Variants in MTHFD2L observed in about 807,000 individuals in gnomAD.
MTHFD2L encodes methylenetetrahydrofolate dehydrogenase (NADP+ dependent) 2 like, also known as bifunctional methylenetetrahydrofolate dehydrogenase/cyclohydrolase 2, mitochondrial.
Under a neutral mutation model 34.9 loss-of-function variants are expected in MTHFD2L, and 29 were observed. The ratio of observed to expected loss-of-function variants is 0.83; its 90% CI spans 0.62 to 1.13. The LOEUF (loss-of-function observed/expected upper bound fraction) is 1.13, where lower values mean the gene tolerates loss of function less well. MTHFD2L is among the 50% of genes most tolerant of loss of function. The probability of loss-of-function intolerance (pLI) is 0.00; values close to 1 mark genes in which losing one functional copy is unlikely to be tolerated. For missense variants in MTHFD2L, 481 were observed against 446.5 expected (o/e 1.08, Z -0.70); for synonymous variants, 167 against 155.7 (o/e 1.07, Z -0.54).
At chr4:74,261,128 T>G (rs1002716286) in intron 6 of MTHFD2L, among the ~76,000 whole-genome samples, 2 of 152,074 alleles carry the variant, frequency 1.3e-5, no homozygotes, top group Non-Finnish European at 2.9e-5. Context: ...ATTGTTGGTG[T>G]TCCTGGCTAA....
chr4:74,246,210 G>A (rs200264585), intron 6 of MTHFD2L, among the ~76,000 whole-genome samples: 36,990 of 148,228 alleles, frequency 0.25, 4,758 homozygotes, highest in African/African-American at 0.34. Flanking sequence ...GTTTTGATTT[G>A]CATTTCTCTG....
chr4:74,240,749 A>G (rs1263872783), intron 6 of MTHFD2L, among the ~76,000 whole-genome samples: 1 of 152,200 alleles, frequency 6.6e-6, no homozygotes, highest in Non-Finnish European at 1.5e-5. Flanking sequence ...AAGCAAAATA[A>G]AGAATATTTA....
intron 1 of MTHFD2L, chr4:74,160,757 G>C (rs1725261076): frequency 6.6e-6 from 1 of 152,246 alleles, no homozygotes. Flanking sequence ...AATGTCCTGG[G>C]TTAAAAGGCA....
At chr4:74,209,800 C>T (rs778967535) in intron 5 of MTHFD2L, among the ~76,000 whole-genome samples, 4 of 152,158 alleles carry the variant, frequency 2.6e-5, no homozygotes, top group South Asian at 4.1e-4. Flanking sequence ...AACTAATTTA[C>T]ACTCCCACCA....
chr4:74,117,169 A>G (rs900436386), intron 2 of MTHFD2L, among the ~76,000 whole-genome samples: 2 of 152,236 alleles, frequency 1.3e-5, no homozygotes, highest in African/African-American at 2.4e-5. Flanking sequence ...AGCCATGACA[A>G]CAAATGACAT....
chr4:74,259,723 T>C (rs1744449876), intron 6 of MTHFD2L, among the ~76,000 whole-genome samples: 2 of 152,098 alleles, frequency 1.3e-5, no homozygotes, highest in African/African-American at 4.8e-5. Context: ...AAACCATAGA[T>C]CAGCTATATG....
In MTHFD2L at chr4:74,158,391, C is replaced by CGGCGGGCTGGGTCGAG. The variant is rs1724643173; in HGVS notation, c.143+112_143+127dup. 4.7e-6 allele frequency: 4 copies of CGGCGGGCTGGGTCGAG among 859,548 alleles called. No individual in the cohort carries two copies. The Admixed American group carries it at 2.3e-4, about 50-fold the overall frequency. 53.2% of individuals were successfully genotyped at this position (859,548 alleles called of 1,614,324 possible). A position where few individuals can be genotyped will look rare whatever the true frequency, so the allele number is the denominator to read the frequency against. ...CCAAGGCTCGTGGGCGGCCGCGCGG[C>CGGCGGGCTGGGTCGAG]GGCGGGCTGGGTCGAGGACAGCCTT... On this transcript the variant is annotated intron_variant, in intron 1 of 7. Coordinates refer to ENST00000325278, the MANE Select transcript of MTHFD2L (RefSeq NM_001144978.3).
chr4:74,237,585 G>T (rs72856338), intron 6 of MTHFD2L, among the ~76,000 whole-genome samples: 4,547 of 152,228 alleles, frequency 0.03, 265 homozygotes, highest in Admixed American at 0.13. Flanking sequence ...CTGCACTCCT[G>T]CCTGGGTGAC....
chr4:74,250,797 G>T (rs888533211), intron 6 of MTHFD2L, among the ~76,000 whole-genome samples: 1 of 152,160 alleles, frequency 6.6e-6, no homozygotes, highest in African/African-American at 2.4e-5. Context: ...ACATCTGTAT[G>T]TGTGTGTTAA....
At chr4:74,294,697 A>T (rs1749417651) in intron 7 of MTHFD2L, among the ~76,000 whole-genome samples, 1 of 152,060 alleles carries the variant, frequency 6.6e-6, no homozygotes, top group Non-Finnish European at 1.5e-5. Flanking sequence ...CTCAAATTTT[A>T]AATATGAAAG....
chr4:74,238,213 G>A (rs1741137820), intron 6 of MTHFD2L, among the ~76,000 whole-genome samples: 1 of 152,152 alleles, frequency 6.6e-6, no homozygotes, highest in Non-Finnish European at 1.5e-5. Flanking sequence ...CTCTGACGGA[G>A]CACCTGGTTA....
chr4:74,267,363 T>C (rs1745428599), intron 6 of MTHFD2L: 1 of 471,534 alleles, frequency 2.1e-6, no homozygotes, highest in African/African-American at 2.2e-5. Context: ...TCTTTCTTCC[T>C]TTCTCTTTTT....
Position 74,196,198 on chromosome 4 carries a change from G to A in MTHFD2L, c.452-3596G>A, listed in dbSNP as rs187359168. Among the ~76,000 whole-genome samples, 7 of 152,068 alleles carry A rather than the reference G, an allele frequency of 4.6e-5. No individual in the cohort carries two copies. In the East Asian group the frequency reaches 1.3e-3, roughly 29 times the overall value. On this transcript the variant is annotated intron_variant, in intron 3 of 7. Transcript: ENST00000325278. ...TATAGCAGTTCCATGGGAAAGCAGAGGAAAAAAATATTGTTTCAATTTGTG... is the reference window on the plus strand; with the variant it reads ...TATAGCAGTTCCATGGGAAAGCAGAAGAAAAAAATATTGTTTCAATTTGTG...
At chr4:74,245,963 C>T (rs1742378532) in intron 6 of MTHFD2L, among the ~76,000 whole-genome samples, 1 of 148,794 alleles carries the variant, frequency 6.7e-6, no homozygotes, top group Non-Finnish European at 1.5e-5. Flanking sequence ...TTTATAGCAG[C>T]ATGATTTATA....
At chr4:74,140,672 C>G (rs772743480) in intron 1 of MTHFD2L, 1 of 471,298 alleles carries the variant, frequency 2.1e-6, no homozygotes, top group South Asian at 9.1e-5. Flanking sequence ...GTTTAATTGA[C>G]CCACAGTTCC....
upstream of MTHFD2L, among the ~76,000 whole-genome samples, chr4:74,155,172 C>G (rs1024454326): frequency 2.0e-5 from 3 of 152,130 alleles, no homozygotes; most frequent in Non-Finnish European, 2.9e-5. Context: ...CCTTGCAATT[C>G]CAGTTATTTA....
upstream of MTHFD2L, among the ~76,000 whole-genome samples, chr4:74,120,410 C>T (rs1560397393): frequency 6.6e-6 from 1 of 152,078 alleles, no homozygotes; most frequent in Admixed American, 6.5e-5. Context: ...CTTTTGTTGC[C>T]AACTAATACC....
intron 3 of MTHFD2L, among the ~76,000 whole-genome samples, chr4:74,199,308 G>A (rs927964174): frequency 5.3e-5 from 8 of 151,746 alleles, no homozygotes; most frequent in Non-Finnish European, 2.9e-5. Context: ...TAGATTTTTT[G>A]TTATGTCATT....
chr4:74,147,353 C>T (rs140587915), intron 1 of MTHFD2L, among the ~76,000 whole-genome samples: 3 of 152,236 alleles, frequency 2.0e-5, no homozygotes, highest in African/African-American at 7.2e-5. Context: ...TAGAAGGATT[C>T]CAGAAGGTTA....
Sources: allele counts gnomAD v4.1 joint callset (sites outside exome capture counted in the v4.1 genomes callset), GRCh38; gene constraint gnomAD v4.1.1; transcripts MANE v1.5; gene names NCBI Gene and HGNC (gene_info 2026-07-23, HGNC 2026-07-21).